The following ADCY9 variants were observed in gnomAD, a reference collection of about 807,000 sequenced individuals.
ADCY9 encodes adenylate cyclase type 9.
ADCY9 carries 50 observed loss-of-function variants against 101.5 expected under a neutral mutation model. That is an observed-to-expected ratio of 0.49 (90% CI 0.39 to 0.62). The LOEUF (loss-of-function observed/expected upper bound fraction) is 0.62, where lower values mean the gene tolerates loss of function less well. ADCY9 is among the 20% of genes least tolerant of loss of function. The pLI is 0.00. For synonymous variants in ADCY9, 905 were observed against 769.3 expected (o/e 1.18, Z -2.92); for missense variants, 1,662 against 1,800.4 (o/e 0.92, Z 1.39).
At chr16:4,063,069 G>T (rs75502216) in intron 2 of ADCY9, among the ~76,000 whole-genome samples, 1 of 152,036 alleles carries the variant, frequency 6.6e-6, no homozygotes. Context: ...TGTACATATC[G>T]CATTGTCTAG....
At chr16:4,005,380 C>T (rs753856147) in intron 3 of ADCY9, among the ~76,000 whole-genome samples, 1 of 152,144 alleles carries the variant, frequency 6.6e-6, no homozygotes, top group Non-Finnish European at 1.5e-5. Flanking sequence ...GCACAGGCCA[C>T]CAAGCCCAGT....
intron 2 of ADCY9, among the ~76,000 whole-genome samples, chr16:4,017,973 C>T (rs1218534049): frequency 6.6e-6 from 1 of 152,240 alleles, no homozygotes; most frequent in Non-Finnish European, 1.5e-5. Flanking sequence ...ACGCCAGACG[C>T]TTGGCCACAG....
At chr16:4,083,826 G>C (rs2141181946) in intron 2 of ADCY9, among the ~76,000 whole-genome samples, 1 of 152,278 alleles carries the variant, frequency 6.6e-6, no homozygotes, top group South Asian at 2.1e-4. Flanking sequence ...GAGACAGAAA[G>C]CAGCTTAGGG....
chr16:4,004,053 TGGCAACCATCCTG>T (rs1314232909), intron 3 of ADCY9, among the ~76,000 whole-genome samples: 1 of 151,218 alleles, frequency 6.6e-6, no homozygotes, highest in African/African-American at 2.4e-5. Context: ...CCCCAGGAGT[TGGCAACCATCCTG>T]GGCAATATAG....
intron 2 of ADCY9, among the ~76,000 whole-genome samples, chr16:4,077,574 G>C (rs2056875645): frequency 6.6e-6 from 1 of 152,046 alleles, no homozygotes; most frequent in Admixed American, 6.6e-5. Flanking sequence ...CTCCTAAGCA[G>C]AGAATAGGCA....
chr16:4,109,936 T>C (rs1028613759), intron 2 of ADCY9, among the ~76,000 whole-genome samples: 29 of 152,128 alleles, frequency 1.9e-4, no homozygotes, highest in African/African-American at 6.8e-4. Context: ...TGGCCTTCCT[T>C]GTCCTGATGA....
In ADCY9 at chr16:4,083,920, T is replaced by C. The variant is rs1269878933; in HGVS notation, c.1693+29830A>G. ...GAGTGAAGAAAACGTCCCCAAATTG[T>C]CTGTAGTGATGGATGTCAAAGTATA... On this transcript the variant is annotated intron_variant, in intron 2 of 10. Coordinates refer to ENST00000294016, the MANE Select transcript of ADCY9 (RefSeq NM_001116.4). Among the ~76,000 whole-genome samples the C allele has an allele frequency of 2.0e-5, 3 of 152,154 alleles. No homozygotes were observed. In the East Asian group the frequency reaches 5.8e-4, roughly 29 times the overall value.
intron 2 of ADCY9, among the ~76,000 whole-genome samples, chr16:4,031,565 T>A (rs1305706116): frequency 6.6e-6 from 1 of 152,188 alleles, no homozygotes; most frequent in Non-Finnish European, 1.5e-5. Context: ...TCAACTTTTC[T>A]GTAGGTTTGA....
At chr16:4,010,161 C>A (rs1049366924) in intron 2 of ADCY9, among the ~76,000 whole-genome samples, 1 of 152,206 alleles carries the variant, frequency 6.6e-6, no homozygotes, top group Non-Finnish European at 1.5e-5. Flanking sequence ...GCTCCCCATG[C>A]ACAAGGGCTG....
At chr16:4,041,585 G>A (rs1324813754) in intron 2 of ADCY9, among the ~76,000 whole-genome samples, 4 of 149,818 alleles carry the variant, frequency 2.7e-5, no homozygotes, top group Non-Finnish European at 5.9e-5. Context: ...CTTGATTGCA[G>A]TAGCATTTAA....
intron 2 of ADCY9, among the ~76,000 whole-genome samples, chr16:4,109,260 C>T (rs1251950020): frequency 6.6e-6 from 1 of 152,100 alleles, no homozygotes; most frequent in East Asian, 1.9e-4. Context: ...GACAGGGTCT[C>T]ACTCTGTCGC....
intron 7 of ADCY9, among the ~76,000 whole-genome samples, chr16:3,980,209 C>T (rs139121492): frequency 9.8e-5 from 15 of 152,328 alleles, no homozygotes; most frequent in African/African-American, 3.4e-4. Flanking sequence ...CTAAGCAGAG[C>T]GACTGTATTC....
At position 3,966,726 on chromosome 16, in the gene ADCY9, G is replaced by T; in HGVS notation, c.3111C>A (p.Pro1037=). The change falls in exon 11 of 11, where the codon CCC becomes CCA. Residue 1037 remains proline (P), a synonymous_variant. Coordinates refer to ENST00000294016, the MANE Select transcript of ADCY9 (RefSeq NM_001116.4). ...CCTTCAGCTGCTCAGCCACGTGGTA[G>T]GGGATGATGTTCCTCAGCAGCCAGT... ...QADWLLRNII[P]YHVAEQLKVS... The T allele has an allele frequency of 6.2e-7, 1 of 1,614,222 alleles. No individual in the cohort carries two copies. The highest frequency in any genetic ancestry group is 8.5e-7 in the Non-Finnish European group (1 of 1,180,040).
At chr16:4,005,730 C>A (rs1224255858) in intron 3 of ADCY9, among the ~76,000 whole-genome samples, 2 of 152,226 alleles carry the variant, frequency 1.3e-5, no homozygotes, top group Non-Finnish European at 2.9e-5. Context: ...ATGGTGAACT[C>A]TGCGACCGCA....
At chr16:3,983,171 A>T (rs1421625083) in intron 7 of ADCY9, 61 bp downstream of exon 7, 1 of 1,452,386 alleles carries the variant, frequency 6.9e-7, no homozygotes, top group East Asian at 2.5e-5. Context: ...GCCATAAGCC[A>T]TGGAGCCAGA....
At chr16:4,088,118 G>C (rs768727071) in intron 2 of ADCY9, among the ~76,000 whole-genome samples, 1 of 151,778 alleles carries the variant, frequency 6.6e-6, no homozygotes, top group Non-Finnish European at 1.5e-5. Flanking sequence ...ATCTCATGGA[G>C]GAACTGCCTT....
chr16:4,089,414 T>C (rs1384649456), intron 2 of ADCY9, among the ~76,000 whole-genome samples: 1 of 152,082 alleles, frequency 6.6e-6, no homozygotes, highest in Non-Finnish European at 1.5e-5. Flanking sequence ...CTGAATCGTA[T>C]GCTATCCTAC....
chr16:4,041,052 G>A (rs1478013697), intron 2 of ADCY9, among the ~76,000 whole-genome samples: 3 of 152,174 alleles, frequency 2.0e-5, no homozygotes, highest in Non-Finnish European at 4.4e-5. Context: ...AGATAAAGCA[G>A]AGAATCAAAG....
In ADCY9 at chr16:3,962,756, T is replaced by C. The variant is rs1244233226; in HGVS notation, c.*3019A>G. On this transcript the variant is annotated 3_prime_UTR_variant, in exon 11 of 11. Transcript: ENST00000294016. ...AGCAGATAAAAGGATATATGGAAAATGCAAACAGTCGGTTCTTGCTAATTC... is the reference window on the plus strand; with the variant it reads ...AGCAGATAAAAGGATATATGGAAAACGCAAACAGTCGGTTCTTGCTAATTC... The C allele has an allele frequency of 6.6e-6, 1 of 152,322 alleles. No individual in the cohort carries two copies. The highest frequency in any genetic ancestry group is 1.5e-5 in the Non-Finnish European group (1 of 68,038). 9.4% of individuals were successfully genotyped at this position (152,322 alleles called of 1,614,324 possible). A position where few individuals can be genotyped will look rare whatever the true frequency, so the allele number is the denominator to read the frequency against.
Sources: allele counts gnomAD v4.1 joint callset (sites outside exome capture counted in the v4.1 genomes callset), GRCh38; gene constraint gnomAD v4.1.1; transcripts MANE v1.5; gene names NCBI Gene and HGNC (gene_info 2026-07-23, HGNC 2026-07-21).